SCARA3: variants seen among roughly 807,000 people sequenced by gnomAD.
The protein encoded by SCARA3 is cellular stress response gene protein.
In SCARA3, 39 loss-of-function variants were observed where a neutral mutation model predicts 47.0. The observed-to-expected ratio is 0.83, with a 90% CI of 0.64 to 1.08. The LOEUF is 1.08. Among genes scored for constraint, SCARA3 ranks in the 50% least tolerant of loss-of-function variants. The probability of loss-of-function intolerance (pLI) is 0.00; values close to 1 mark genes in which losing one functional copy is unlikely to be tolerated. For synonymous variants in SCARA3, 356 were observed against 334.1 expected (o/e 1.07, Z -0.71); for missense variants, 724 against 792.3 (o/e 0.91, Z 1.04).
downstream of SCARA3, among the ~76,000 whole-genome samples, chr8:27,679,663 A>G (rs145390653): frequency 1.1e-4 from 16 of 152,336 alleles, no homozygotes; most frequent in East Asian, 2.7e-3. Context: ...ACTCCAGAAC[A>G]TACATTATTT....
chr8:27,709,814 T>C, the SCARA3 span, among the ~76,000 whole-genome samples: 1 of 152,146 alleles, frequency 6.6e-6, no homozygotes, highest in Non-Finnish European at 1.5e-5. Flanking sequence ...TGCCACCCAC[T>C]ATCCCCACTT....
At chr8:27,682,316 G>A in the SCARA3 span, among the ~76,000 whole-genome samples, 2 of 152,064 alleles carry the variant, frequency 1.3e-5, no homozygotes, top group African/African-American at 4.8e-5. Context: ...AAAAATTACA[G>A]AGCCTCTAGA....
chr8:27,661,160 G>A (rs1440602524), intron 5 of SCARA3, among the ~76,000 whole-genome samples: 1 of 152,094 alleles, frequency 6.6e-6, no homozygotes, highest in Non-Finnish European at 1.5e-5. Context: ...GAAGGCCCCA[G>A]AATTATATTT....
chr8:27,681,806 A>G, the SCARA3 span, among the ~76,000 whole-genome samples: 1 of 152,258 alleles, frequency 6.6e-6, no homozygotes, highest in Non-Finnish European at 1.5e-5. Context: ...AAATGGCGAT[A>G]TATACCATGT....
intron 5 of SCARA3, among the ~76,000 whole-genome samples, chr8:27,669,658 C>T (rs774923217): frequency 2.0e-5 from 3 of 152,210 alleles, no homozygotes; most frequent in African/African-American, 7.2e-5. Context: ...ATCCCCGTGG[C>T]GGGAGGTGGG....
chr8:27,709,201 AAAG>A, the SCARA3 span, among the ~76,000 whole-genome samples: 1 of 152,240 alleles, frequency 6.6e-6, no homozygotes, highest in Non-Finnish European at 1.5e-5. Flanking sequence ...GCCCAAGTTA[AAAG>A]AAGATTTAGT....
the SCARA3 span, among the ~76,000 whole-genome samples, chr8:27,699,378 C>T: frequency 6.6e-6 from 1 of 151,780 alleles, no homozygotes. Context: ...CTTGCTCTGT[C>T]ACCCAGGCTG....
chr8:27,668,357 G>A (rs1802064729), intron 5 of SCARA3, among the ~76,000 whole-genome samples: 1 of 150,910 alleles, frequency 6.6e-6, no homozygotes, highest in Admixed American at 6.6e-5. Flanking sequence ...TGGCTAACAA[G>A]GTGAAACCCC....
the SCARA3 span, chr8:27,697,153 T>A: frequency 3.7e-4 from 72 of 195,062 alleles, no homozygotes; most frequent in African/African-American, 1.6e-3. Flanking sequence ...AAGGCATCCT[T>A]TCTTCCAGTG....
At chr8:27,684,443 T>C in the SCARA3 span, among the ~76,000 whole-genome samples, 1 of 152,180 alleles carries the variant, frequency 6.6e-6, no homozygotes, top group African/African-American at 2.4e-5. Context: ...CCCAGCACTC[T>C]GGAAGGCTAA....
chr8:27,649,852 G>A (rs1444744686), intron 2 of SCARA3, 52 bp downstream of exon 2: 2 of 1,481,078 alleles, frequency 1.4e-6, no homozygotes, highest in Non-Finnish European at 1.9e-6. Flanking sequence ...AGAGATCCCT[G>A]TCTCCATCCC....
At chr8:27,662,047 A>G (rs1801923523) in intron 5 of SCARA3, among the ~76,000 whole-genome samples, 1 of 152,216 alleles carries the variant, frequency 6.6e-6, no homozygotes, top group Non-Finnish European at 1.5e-5. Context: ...TGGCAGTCTT[A>G]ACTTCCTGTT....
rs1415100033 is a variant in SCARA3 at position 27,634,099 on chromosome 8, A to G, written c.-102A>G. On this transcript the variant is annotated 5_prime_UTR_variant, in exon 1 of 6. The change abolishes the stop of an existing upstream ORF in the 5' untranslated region. Transcript: ENST00000301904. ...AGCCCCACGGCCGCGGGCGGCGCCT[A>G]GGACGGCGATCCGCGCCCTGGAGGA... 8.6e-7 allele frequency: 1 copy of G among 1,157,456 alleles called. No individual in the cohort carries two copies. The highest frequency in any genetic ancestry group is 1.1e-6 in the Non-Finnish European group (1 of 885,592). The allele number at this position is 1,157,456 out of a possible 1,614,324, so 71.7% of individuals were successfully genotyped here.
intron 3 of SCARA3, among the ~76,000 whole-genome samples, chr8:27,653,928 T>A (rs1002667952): frequency 2.6e-5 from 4 of 152,060 alleles, no homozygotes; most frequent in African/African-American, 9.7e-5. Flanking sequence ...ACAACCAAAC[T>A]CGTCACAGAG....
chr8:27,671,640 A>T lies in SCARA3; in HGVS notation c.*289A>T. ...TGCACACATACACAGGCATACATGCATGCACACACACATGCACGCACACAC... is the reference window on the plus strand; with the variant it reads ...TGCACACATACACAGGCATACATGCTTGCACACACACATGCACGCACACAC... On this transcript the variant is annotated 3_prime_UTR_variant, in exon 6 of 6. Coordinates refer to ENST00000301904, the MANE Select transcript of SCARA3 (RefSeq NM_016240.3). The T allele has an allele frequency of 8.8e-7, 1 of 1,138,510 alleles. No individual in the cohort carries two copies. The highest frequency in any genetic ancestry group is 1.1e-6 in the Non-Finnish European group (1 of 922,166). The allele number at this position is 1,138,510 out of a possible 1,614,324, so 70.5% of individuals were successfully genotyped here.
the SCARA3 span, among the ~76,000 whole-genome samples, chr8:27,718,123 C>T: frequency 6.6e-6 from 1 of 152,228 alleles, no homozygotes; most frequent in Non-Finnish European, 1.5e-5. Flanking sequence ...CAGAATGCTT[C>T]TCTACAACCT....
chr8:27,687,956 C>T, the SCARA3 span, among the ~76,000 whole-genome samples: 1 of 152,054 alleles, frequency 6.6e-6, no homozygotes, highest in African/African-American at 2.4e-5. Context: ...GCGGAGGTTG[C>T]AGTGAGCTGA....
rs2128924432 is a variant in SCARA3, at chr8:27,672,428, C to T, written c.*1077C>T. 2 of 985,498 alleles carry T rather than the reference C, an allele frequency of 2.0e-6. No individual in the cohort carries two copies. The highest frequency in any genetic ancestry group is 1.1e-4 in the East Asian group (1 of 8,800). The allele number at this position is 985,498 out of a possible 1,614,324, so 61.0% of individuals were successfully genotyped here. On this transcript the variant is annotated 3_prime_UTR_variant, in exon 6 of 6. Transcript: ENST00000301904. ...CCTTGCTCTCCCTGAGGCTGGCCTG[C>T]CCCATTCCCCAAGGGGGCTCCTCTG... is the stretch of plus-strand genomic sequence containing the variant.
intron 5 of SCARA3, among the ~76,000 whole-genome samples, chr8:27,661,076 C>T (rs983613560): frequency 1.3e-5 from 2 of 152,188 alleles, no homozygotes; most frequent in East Asian, 1.9e-4. Context: ...TGAGCCTGCT[C>T]ACGCCAGGGA....
Sources: allele counts gnomAD v4.1 joint callset (sites outside exome capture counted in the v4.1 genomes callset), GRCh38; gene constraint gnomAD v4.1.1; transcripts MANE v1.5; gene names NCBI Gene and HGNC (gene_info 2026-07-23, HGNC 2026-07-21).